The following KLK14 variants were observed in gnomAD, a reference collection of about 807,000 sequenced individuals.
The protein encoded by KLK14 is kallikrein-14.
In KLK14, 21 loss-of-function variants were observed where a neutral mutation model predicts 24.6. That is an observed-to-expected ratio of 0.85 (90% confidence interval 0.61 to 1.23). The LOEUF (loss-of-function observed/expected upper bound fraction) is 1.23, where lower values mean the gene tolerates loss of function less well. Among genes scored for constraint, KLK14 ranks in the 50% most tolerant of loss-of-function variants. The pLI, the probability that KLK14 is intolerant of heterozygous loss-of-function variation, is 0.00. For synonymous variants in KLK14, 133 were observed against 139.7 expected (o/e 0.95, Z 0.34); for missense variants, 320 against 338.9 (o/e 0.94, Z 0.44).
At chr19:51,080,604 T>C (rs2091833894) in intron 3 of KLK14, among the ~76,000 whole-genome samples, 2 of 152,212 alleles carry the variant, frequency 1.3e-5, no homozygotes, top group South Asian at 4.1e-4. Context: ...GGGTTGTAAG[T>C]TCAGATCTAG....
At chr19:51,082,686 G>C (rs200474091) in intron 1 of KLK14, 36 bp downstream of exon 1, 1 of 1,614,118 alleles carries the variant, frequency 6.2e-7, no homozygotes, top group Non-Finnish European at 8.5e-7. Context: ...CAACAGAACC[G>C]GGGGCTGAGA....
chr19:51,082,197 C>T (rs2091844138), intron 2 of KLK14, among the ~76,000 whole-genome samples: 1 of 149,906 alleles, frequency 6.7e-6, no homozygotes, highest in Non-Finnish European at 1.5e-5. Flanking sequence ...TGCCACGATC[C>T]CGCCATCCCA....
rs1402903450 is a variant in KLK14 at position 51,079,594 on chromosome 19, G to T, written c.321C>A (p.Thr107=). Residue 107 remains threonine, a synonymous_variant, in exon 4 of 6, where the codon ACC becomes ACA. Transcript: ENST00000650543. The stretch of plus-strand genomic sequence containing the variant: ...GCAGCAGCATGAGGTCGTTGTCGTG[G>T]GTCCGGGAGTTGTAGTTGGGGTGCG... ...QVTHPNYNSR[T]HDNDLMLLQL... 6.2e-7 allele frequency: 1 copy of T among 1,613,860 alleles called. No homozygotes were observed. The highest frequency in any genetic ancestry group is 8.5e-7 in the Non-Finnish European group (1 of 1,179,940).
rs944791229 is a variant in KLK14, at chr19:51,080,191, T to TG, written c.213-490_213-489insC. On this transcript the variant is annotated intron_variant, in intron 3 of 5. Coordinates refer to ENST00000650543, the MANE Select transcript of KLK14 (RefSeq NM_001369775.2). The stretch of plus-strand genomic sequence containing the variant: ...CTTGATTTATTTATTTATTTTTTTT[T>TG]TGTGATGGAGTCTCGCTCTGTCACC... Among the ~76,000 whole-genome samples the TG allele has an allele frequency of 1.5e-4, 23 of 152,202 alleles. No homozygotes were observed. The South Asian group carries it at 4.1e-3, about 27-fold the overall frequency.
intron 3 of KLK14, among the ~76,000 whole-genome samples, chr19:51,080,863 G>T (rs1245169332): frequency 6.6e-6 from 1 of 152,174 alleles, no homozygotes; most frequent in Non-Finnish European, 1.5e-5. Context: ...AGTAGAGACA[G>T]GGTTTCTCTA....
At chr19:51,080,449 C>T (rs1465014475) in intron 3 of KLK14, among the ~76,000 whole-genome samples, 1 of 152,196 alleles carries the variant, frequency 6.6e-6, no homozygotes, top group Admixed American at 6.5e-5. Context: ...TAGGTTATGG[C>T]CCGGATCCAA....
At chr19:51,079,783 C>T (rs1034202740) in intron 3 of KLK14, 81 bp from the exon 4 acceptor site, 67 of 1,481,668 alleles carry the variant, frequency 4.5e-5, no homozygotes, top group African/African-American at 4.2e-4. Context: ...GTTCCCTGGC[C>T]GGGTGACGAG....
chr19:51,081,750 C>T, intron 2 of KLK14, 47 bp from the exon 3 acceptor site: 1 of 1,434,130 alleles, frequency 7.0e-7, no homozygotes, highest in Non-Finnish European at 9.3e-7. Flanking sequence ...AGCAAACACT[C>T]TCCACTCCAC....
chr19:51,082,921 G>T, upstream of KLK14: 1 of 720,498 alleles, frequency 1.4e-6, no homozygotes, highest in Non-Finnish European at 2.3e-6. Flanking sequence ...TTTTATCCCT[G>T]GTAAGGACAG....
intron 3 of KLK14, among the ~76,000 whole-genome samples, chr19:51,081,153 G>A (rs17658926): frequency 0.17 from 25,203 of 152,218 alleles, 2,281 homozygotes; most frequent in Middle Eastern, 0.34. Flanking sequence ...GTCCTGAACT[G>A]GGCTCTGAGT....
chr19:51,082,784 G>C lies in KLK14; in HGVS notation c.-85C>G, dbSNP rs748616678. 10 of 1,608,828 alleles carry C rather than the reference G, an allele frequency of 6.2e-6. No homozygotes were observed. The highest frequency in any genetic ancestry group is 3.4e-5 in the Admixed American group (2 of 58,944). On this transcript the variant is annotated 5_prime_UTR_variant, in exon 1 of 6. Coordinates refer to ENST00000650543, the MANE Select transcript of KLK14 (RefSeq NM_001369775.2). ...AGAGAGGTAGGGACCAGAGACGAGG[G>C]GGGCGGGGCCTGCAGGCTCTGCGGG...
rs749774400 is a variant in KLK14, at chr19:51,079,405, G to T, written c.466+44C>A. The T allele has an allele frequency of 7.1e-6, 11 of 1,548,294 alleles. No individual in the cohort carries two copies. In the Admixed American group the frequency reaches 1.8e-4, roughly 26 times the overall value. ...AGCTCCACCTCCTGGAGACCCAGGAGCCCAGGCCCAGTCCCCTGCTTTCCA... is the reference window on the plus strand; with the variant it reads ...AGCTCCACCTCCTGGAGACCCAGGATCCCAGGCCCAGTCCCCTGCTTTCCA... On this transcript the variant is annotated intron_variant, in intron 4 of 5. Transcript: ENST00000650543.
At chr19:51,081,729 G>T in intron 2 of KLK14, 26 bp from the exon 3 acceptor site, 1 of 1,482,650 alleles carries the variant, frequency 6.7e-7, no homozygotes, top group Non-Finnish European at 9.0e-7. Flanking sequence ...ATTGGGTGGG[G>T]AAAGTAGATG....
Position 51,078,400 on chromosome 19 carries a change from C to G in KLK14, c.604-241G>C, listed in dbSNP as rs1045638849. Reference sequence around the variant, plus strand: ...CTGTCCCTTGAATCTCACCAGGCCCCTCTCTGTTCGCTCCAACTGTAGAAC... The same window carrying G: ...CTGTCCCTTGAATCTCACCAGGCCCGTCTCTGTTCGCTCCAACTGTAGAAC... On this transcript the variant is annotated intron_variant, in intron 5 of 5. Coordinates refer to ENST00000650543, the MANE Select transcript of KLK14 (RefSeq NM_001369775.2). This position sits in a 1 kb window ranked among gnomAD's most constrained non-coding sequence, Gnocchi z 5.0. Among the ~76,000 whole-genome samples, 5 of 152,166 alleles carry G rather than the reference C, an allele frequency of 3.3e-5. No homozygotes were observed. Among genetic ancestry groups the G allele is most frequent in the African/African-American group, 1.2e-4 (5 of 41,426 alleles).
rs911043816 is a variant in KLK14, at chr19:51,078,243, A to T, written c.604-84T>A. ...CACAGAGAACCCGAGAAGCAGACAC[A>T]GGGAGACAGGCAGAGACACTGGTGG... On this transcript the variant is annotated intron_variant, in intron 5 of 5. Transcript: ENST00000650543. The surrounding 1 kb of genome is among the most constrained non-coding windows in gnomAD (Gnocchi z 5.0). The T allele has an allele frequency of 9.9e-6, 14 of 1,413,556 alleles. No homozygotes were observed. The highest frequency in any genetic ancestry group is 1.3e-5 in the Non-Finnish European group (13 of 1,033,264). The allele number at this position is 1,413,556 out of a possible 1,614,324, so 87.6% of individuals were successfully genotyped here.
At position 51,079,935 on chromosome 19, in the gene KLK14, T is replaced by C. The variant is rs184997153; in HGVS notation, c.213-233A>G. Among the ~76,000 whole-genome samples the C allele has an allele frequency of 3.5e-3, 529 of 152,312 alleles. 3 individuals are homozygous for C. The highest frequency in any genetic ancestry group is 6.2e-3 in the Non-Finnish European group (424 of 68,018). ...CGCTCTTGGGCTGGGCTCCAGCTCC[T>C]GGCTTGGGAAGAAGGTGATGATTGG... is the stretch of plus-strand genomic sequence containing the variant. On this transcript the variant is annotated intron_variant, in intron 3 of 5. Coordinates refer to ENST00000650543, the MANE Select transcript of KLK14 (RefSeq NM_001369775.2).
upstream of KLK14, among the ~76,000 whole-genome samples, chr19:51,083,687 A>AAGAG (rs1320155267): frequency 6.6e-6 from 1 of 151,630 alleles, no homozygotes; most frequent in Non-Finnish European, 1.5e-5. Flanking sequence ...AAGACAGAGG[A>AAGAG]AGAGGGAGAC....
At position 51,079,555 on chromosome 19, in the gene KLK14, G is replaced by T; in HGVS notation, c.360C>A (p.Pro120=). The T allele has an allele frequency of 6.2e-7, 1 of 1,613,928 alleles. No individual in the cohort carries two copies. The highest frequency in any genetic ancestry group is 8.5e-7 in the Non-Finnish European group (1 of 1,180,006). ...GCCTGACTGCCCTCCCGATCCGTGC[G>T]GGCTGCTGTAGCTGCAGCAGCATGA... is the stretch of plus-strand genomic sequence containing the variant. ...NDLMLLQLQQ[P]ARIGRAVRPI... The change falls in exon 4 of 6, where the codon CCC becomes CCA. Residue 120 remains proline (P), a synonymous_variant. Coordinates refer to ENST00000650543, the MANE Select transcript of KLK14 (RefSeq NM_001369775.2).
rs200474091 is a variant in KLK14, at chr19:51,082,686, G to A, written c.-23+36C>T. ...GAGAGAAGGAACCTTCAACAGAACC[G>A]GGGGCTGAGAGGCAGAGACAGCAAG... is the stretch of plus-strand genomic sequence containing the variant. On this transcript the variant is annotated intron_variant, in intron 1 of 5. Transcript: ENST00000650543. 23 of 1,614,118 alleles carry A rather than the reference G, an allele frequency of 1.4e-5. No homozygotes were observed. The Middle Eastern group carries it at 5.0e-4, about 35-fold the overall frequency.
Sources: allele counts gnomAD v4.1 joint callset (sites outside exome capture counted in the v4.1 genomes callset), GRCh38; gene constraint gnomAD v4.1.1; non-coding constraint Gnocchi (gnomAD v3.1); transcripts MANE v1.5; gene names NCBI Gene and HGNC (gene_info 2026-07-23, HGNC 2026-07-21).